The following SLC4A7 variants were observed in gnomAD, a reference collection of about 807,000 sequenced individuals.
SLC4A7 encodes the protein sodium bicarbonate cotransporter 3.
In SLC4A7, 51 loss-of-function variants were observed where a neutral mutation model predicts 137.6. That is an observed-to-expected ratio of 0.37 (90% CI 0.30 to 0.47). SLC4A7 has a LOEUF of 0.47. Among genes scored for constraint, SLC4A7 ranks in the 20% least tolerant of loss-of-function variants. SLC4A7 has a pLI of 1.00. For missense variants in SLC4A7, 1,247 were observed against 1,525.4 expected (o/e 0.82, Z 3.04); for synonymous variants, 542 against 518.6 (o/e 1.05, Z -0.61).
chr3:27,421,899 T>C (rs2055017330), intron 8 of SLC4A7, 120 bp from the exon 9 acceptor site: 4 of 687,612 alleles, frequency 5.8e-6, no homozygotes, highest in Non-Finnish European at 9.4e-6. Flanking sequence ...TGTGATCTAA[T>C]GAATGTTTAA....
chr3:27,390,827 G>T (rs933341887), intron 21 of SLC4A7, among the ~76,000 whole-genome samples: 1 of 151,968 alleles, frequency 6.6e-6, no homozygotes, highest in Non-Finnish European at 1.5e-5. Flanking sequence ...GTGTGTGTTT[G>T]TTTGTTTGTT....
intron 3 of SLC4A7, among the ~76,000 whole-genome samples, chr3:27,447,019 A>AT (rs1442807670): frequency 2.0e-5 from 3 of 148,824 alleles, no homozygotes; most frequent in African/African-American, 7.4e-5. Flanking sequence ...AATAGGTGGG[A>AT]TTACAGGTGC....
intron 1 of SLC4A7, among the ~76,000 whole-genome samples, chr3:27,471,167 T>G (rs2059230295): frequency 6.6e-6 from 1 of 152,248 alleles, no homozygotes; most frequent in Non-Finnish European, 1.5e-5. Context: ...TTTAATTTTC[T>G]ATTCTGTTCC....
chr3:27,453,692 C>A (rs2058233219), intron 1 of SLC4A7, among the ~76,000 whole-genome samples: 1 of 152,218 alleles, frequency 6.6e-6, no homozygotes, highest in South Asian at 2.1e-4. Context: ...AGTAAGTAAA[C>A]TCAGGAACTG....
intron 1 of SLC4A7, among the ~76,000 whole-genome samples, chr3:27,477,616 CT>C (rs919665845): frequency 3.3e-5 from 5 of 151,120 alleles, no homozygotes; most frequent in South Asian, 2.1e-4. Flanking sequence ...TTCTCAGAGC[CT>C]TTTTTTTTGG....
intron 3 of SLC4A7, among the ~76,000 whole-genome samples, chr3:27,444,527 T>C (rs1423477376): frequency 1.3e-5 from 2 of 152,208 alleles, no homozygotes; most frequent in Non-Finnish European, 2.9e-5. Flanking sequence ...TCATTTTGGA[T>C]AGTTACTATC....
intron 1 of SLC4A7, among the ~76,000 whole-genome samples, chr3:27,457,234 T>C (rs111442477): frequency 0.011 from 1,669 of 152,268 alleles, 10 homozygotes; most frequent in South Asian, 0.022. Context: ...AAAGTACTTA[T>C]TCAGAATTAT....
At position 27,433,850 on chromosome 3, in the gene SLC4A7, G is replaced by GT. The variant is rs571266377; in HGVS notation, c.778+65dup. 6.8e-3 allele frequency: 9,105 copies of GT among 1,340,120 alleles called. 43 individuals carry two copies. The highest frequency in any genetic ancestry group is 8.1e-3 in the Non-Finnish European group (7,586 of 936,394). The allele number at this position is 1,340,120 out of a possible 1,614,324, so 83.0% of individuals were successfully genotyped here. The stretch of plus-strand genomic sequence containing the variant: ...GTTTAAATATCCCCAAATGTTAATC[G>GT]TAACATACTGGAAAGCTGTTACAGT... On this transcript the variant is annotated intron_variant, in intron 6 of 25. Coordinates refer to ENST00000454389, the MANE Select transcript of SLC4A7 (RefSeq NM_001321103.2).
chr3:27,475,845 T>A (rs1232319201), intron 1 of SLC4A7, among the ~76,000 whole-genome samples: 1 of 152,188 alleles, frequency 6.6e-6, no homozygotes, highest in African/African-American at 2.4e-5. Flanking sequence ...AGTTGGTGCA[T>A]TGGCTAATTA....
chr3:27,480,251 T>G (rs2059652743), intron 1 of SLC4A7, among the ~76,000 whole-genome samples: 1 of 152,236 alleles, frequency 6.6e-6, no homozygotes, highest in South Asian at 2.1e-4. Flanking sequence ...CATCTTGTAT[T>G]GAGGCAGGGC....
intron 1 of SLC4A7, among the ~76,000 whole-genome samples, chr3:27,478,391 G>A (rs34671636): frequency 0.18 from 27,366 of 150,780 alleles, 2,886 homozygotes; most frequent in Non-Finnish European, 0.25. Flanking sequence ...GGTGGCGTGC[G>A]CCTGTAATTC....
intron 1 of SLC4A7, among the ~76,000 whole-genome samples, chr3:27,465,000 T>A (rs928892879): frequency 2.0e-5 from 3 of 152,260 alleles, no homozygotes; most frequent in African/African-American, 4.8e-5. Flanking sequence ...TCTGCGTGCC[T>A]AATCTTTCCC....
chr3:27,442,266 A>C (rs1171244738), intron 3 of SLC4A7, among the ~76,000 whole-genome samples: 11 of 152,130 alleles, frequency 7.2e-5, no homozygotes, highest in Non-Finnish European at 1.0e-4. Flanking sequence ...TTTATATTAA[A>C]TATTATATTG....
chr3:27,459,715 A>G (rs2058589990), intron 1 of SLC4A7, among the ~76,000 whole-genome samples: 1 of 152,162 alleles, frequency 6.6e-6, no homozygotes, highest in Admixed American at 6.6e-5. Context: ...AAACAGTAGG[A>G]AAATCCAAGG....
intron 11 of SLC4A7, 91 bp downstream of exon 11, chr3:27,418,395 A>T: frequency 1.0e-6 from 1 of 995,516 alleles, no homozygotes; most frequent in South Asian, 1.6e-5. Context: ...TGGGGATAAA[A>T]CTTCTCTGTT....
At position 27,449,142 on chromosome 3, in the gene SLC4A7, C is replaced by A. The variant is rs948857047; in HGVS notation, c.143-345G>T. Among the ~76,000 whole-genome samples, 9 of 151,688 alleles carry A rather than the reference C, an allele frequency of 5.9e-5. No homozygotes were observed. In the East Asian group the frequency reaches 1.5e-3, roughly 26 times the overall value. On this transcript the variant is annotated intron_variant, in intron 2 of 25. Coordinates refer to ENST00000454389, the MANE Select transcript of SLC4A7 (RefSeq NM_001321103.2). ...GTCTTGAACTCCTGACCTCCTGATC[C>A]GCCCACCTCAGCCTCCCAAAGTGCT...
intron 9 of SLC4A7, 140 bp downstream of exon 9, chr3:27,421,482 T>G: frequency 1.5e-5 from 11 of 737,718 alleles, no homozygotes; most frequent in Non-Finnish European, 2.1e-5. Context: ...GATGACAAAG[T>G]GAGATTGTCT....
Position 27,379,283 on chromosome 3 carries a change from T to A in SLC4A7, c.3664A>T (p.Thr1222Ser). The A allele has an allele frequency of 2.0e-6, 3 of 1,535,226 alleles. No individual in the cohort carries two copies. The highest frequency in any genetic ancestry group is 2.6e-6 in the Non-Finnish European group (3 of 1,146,000). Residue 1222 changes from threonine (T) to serine (S), a missense_variant, in exon 25 of 26, where the codon ACT becomes TCT. Coordinates refer to ENST00000454389, the MANE Select transcript of SLC4A7 (RefSeq NM_001321103.2). Reference protein sequence around the residue: ...TAQWKALSMNTENAKVTRSNM... With the variant: ...TAQWKALSMNSENAKVTRSNM... ...GATCTGGTTACTTTGGCATTCTCAGTATTCATGGAAAGTGCCTTCCACTGT... is the reference window on the plus strand; with the variant it reads ...GATCTGGTTACTTTGGCATTCTCAGAATTCATGGAAAGTGCCTTCCACTGT...
intron 12 of SLC4A7, 51 bp from the exon 13 acceptor site, chr3:27,409,581 T>C (rs755930032): frequency 1.4e-6 from 2 of 1,427,420 alleles, no homozygotes; most frequent in Non-Finnish European, 1.9e-6. Flanking sequence ...GGATTCTAGC[T>C]ACTTCAAACT....
Sources: allele counts gnomAD v4.1 joint callset (sites outside exome capture counted in the v4.1 genomes callset), GRCh38; gene constraint gnomAD v4.1.1; transcripts MANE v1.5; gene names NCBI Gene and HGNC (gene_info 2026-07-23, HGNC 2026-07-21).